The following CDK8 variants were observed in gnomAD, a reference collection of about 807,000 sequenced individuals.
The protein encoded by CDK8 is cyclin-dependent kinase 8.
A neutral mutation model predicts 71.5 loss-of-function variants in CDK8; 29 were observed. The observed-to-expected ratio is 0.41, with a 90% CI of 0.30 to 0.55. The LOEUF is 0.55. CDK8 is among the 20% of genes least tolerant of loss of function. The pLI is 0.37. For synonymous variants in CDK8, 161 were observed against 192.1 expected (o/e 0.84, Z 1.34); for missense variants, 288 against 572.6 (o/e 0.50, Z 5.07).
At chr13:26,268,752 T>C (rs543474) in intron 1 of CDK8, among the ~76,000 whole-genome samples, 37,614 of 152,142 alleles carry the variant, frequency 0.25, 5,357 homozygotes, top group East Asian at 0.44. Flanking sequence ...ATCAGATTTC[T>C]CTATTCCAAC....
At chr13:26,288,164 A>G (rs991473331) in intron 1 of CDK8, among the ~76,000 whole-genome samples, 3 of 152,106 alleles carry the variant, frequency 2.0e-5, no homozygotes, top group African/African-American at 7.2e-5. Flanking sequence ...GGGTTTCACC[A>G]TGCTGGCCAG....
At chr13:26,270,156 G>A (rs1406250360) in intron 1 of CDK8, among the ~76,000 whole-genome samples, 1 of 151,954 alleles carries the variant, frequency 6.6e-6, no homozygotes, top group East Asian at 1.9e-4. Context: ...TTGGGAGGCC[G>A]AGGCAGGTAG....
intron 1 of CDK8, among the ~76,000 whole-genome samples, chr13:26,314,675 G>A (rs919849117): frequency 1.3e-5 from 2 of 152,312 alleles, no homozygotes; most frequent in South Asian, 2.1e-4. Context: ...GTCCAGAGGC[G>A]TGTAATATGG....
chr13:26,279,392 A>C lies in CDK8; in HGVS notation c.128+24623A>C, dbSNP rs370400302. Among the ~76,000 whole-genome samples the C allele has an allele frequency of 2.0e-4, 31 of 152,304 alleles. No homozygotes were observed. In the East Asian group the frequency reaches 4.8e-3, roughly 24 times the overall value. Reference sequence around the variant, plus strand: ...AGAGTCTGGCAATCATCAGCTTAACAAAATGATCAATCTTAGCATCATGAA... The same window carrying C: ...AGAGTCTGGCAATCATCAGCTTAACCAAATGATCAATCTTAGCATCATGAA... On this transcript the variant is annotated intron_variant, in intron 1 of 12. Transcript: ENST00000381527.
chr13:26,254,796 C>G lies in CDK8; in HGVS notation c.128+27C>G. 1 of 1,606,382 alleles carries G rather than the reference C, an allele frequency of 6.2e-7. No homozygotes were observed. The highest frequency in any genetic ancestry group is 8.5e-7 in the Non-Finnish European group (1 of 1,175,624). On this transcript the variant is annotated intron_variant, in intron 1 of 12. Coordinates refer to ENST00000381527, the MANE Select transcript of CDK8 (RefSeq NM_001260.3). This position sits in a 1 kb window ranked among gnomAD's most constrained non-coding sequence, Gnocchi z 6.7. ...TGAGTGTGTGTGTCTGGGCCGGTGT[C>G]CGCGCTGGGCGGCGCTCCCGCAGGC...
At chr13:26,275,854 G>C (rs1329406072) in intron 1 of CDK8, among the ~76,000 whole-genome samples, 1 of 151,928 alleles carries the variant, frequency 6.6e-6, no homozygotes, top group Non-Finnish European at 1.5e-5. Context: ...AAACTTTGGT[G>C]TTATTGCATT....
chr13:26,294,527 A>G (rs1463761572), intron 1 of CDK8, among the ~76,000 whole-genome samples: 3 of 152,140 alleles, frequency 2.0e-5, no homozygotes, highest in Non-Finnish European at 4.4e-5. Flanking sequence ...GCTAATTTCT[A>G]TTCTCAGCAG....
intron 1 of CDK8, among the ~76,000 whole-genome samples, chr13:26,265,819 T>TG (rs1871994843): frequency 6.6e-6 from 1 of 152,196 alleles, no homozygotes. Flanking sequence ...ATTTTGTACT[T>TG]TCTTCCGAAG....
Position 26,254,842 on chromosome 13 carries a change from G to A in CDK8, c.128+73G>A, listed in dbSNP as rs919117448. Reference sequence around the variant, plus strand: ...CAGGCCGAGGCAGGTAGCCCGGAGGGAGAGCGGGCCGCCGGGGTGCCGGGC... The same window carrying A: ...CAGGCCGAGGCAGGTAGCCCGGAGGAAGAGCGGGCCGCCGGGGTGCCGGGC... On this transcript the variant is annotated intron_variant, in intron 1 of 12. Transcript: ENST00000381527. The surrounding 1 kb of genome is among the most constrained non-coding windows in gnomAD (Gnocchi z 6.7). 37 of 1,569,510 alleles carry A rather than the reference G, an allele frequency of 2.4e-5. No individual in the cohort carries two copies. Among genetic ancestry groups the A allele is most frequent in the African/African-American group, 2.7e-5 (2 of 73,556 alleles).
At position 26,404,229 on chromosome 13, in the gene CDK8, A is replaced by G; in HGVS notation, c.*148A>G. The G allele has an allele frequency of 1.2e-6, 1 of 864,516 alleles. No individual in the cohort carries two copies. The highest frequency in any genetic ancestry group is 1.7e-6 in the Non-Finnish European group (1 of 580,452). 53.6% of individuals were successfully genotyped at this position (864,516 alleles called of 1,614,324 possible). A position where few individuals can be genotyped will look rare whatever the true frequency, so the allele number is the denominator to read the frequency against. On this transcript the variant is annotated 3_prime_UTR_variant, in exon 13 of 13. Coordinates refer to ENST00000381527, the MANE Select transcript of CDK8 (RefSeq NM_001260.3). ...GTAGCCAAGTTCCACCACTTTTCACAGATTGGGGTAGTGGCTTCCAAGTTG... is the reference window on the plus strand; with the variant it reads ...GTAGCCAAGTTCCACCACTTTTCACGGATTGGGGTAGTGGCTTCCAAGTTG...
chr13:26,313,019 C>G (rs1476361184), intron 1 of CDK8, among the ~76,000 whole-genome samples: 3 of 152,154 alleles, frequency 2.0e-5, no homozygotes, highest in Non-Finnish European at 2.9e-5. Context: ...CTCATTTTCT[C>G]CTGAAATCAA....
At chr13:26,368,521 A>T (rs1874500753) in intron 4 of CDK8, among the ~76,000 whole-genome samples, 1 of 152,184 alleles carries the variant, frequency 6.6e-6, no homozygotes, top group African/African-American at 2.4e-5. Context: ...TTACTATCAC[A>T]CCACGGAGGC....
intron 2 of CDK8, among the ~76,000 whole-genome samples, chr13:26,344,344 A>G (rs990604846): frequency 2.6e-5 from 4 of 152,212 alleles, no homozygotes; most frequent in Admixed American, 2.6e-4. Context: ...TAGTGCTGCA[A>G]TGAACATACA....
At chr13:26,267,834 G>C (rs1872095047) in intron 1 of CDK8, among the ~76,000 whole-genome samples, 1 of 152,184 alleles carries the variant, frequency 6.6e-6, no homozygotes, top group Non-Finnish European at 1.5e-5. Flanking sequence ...GTTCTCCATG[G>C]AGACATTTGC....
At chr13:26,361,111 T>C (rs929210902) in intron 4 of CDK8, among the ~76,000 whole-genome samples, 1 of 152,224 alleles carries the variant, frequency 6.6e-6, no homozygotes, top group Non-Finnish European at 1.5e-5. Flanking sequence ...TTCTCAAATT[T>C]TTTCTTTAAT....
chr13:26,256,981 C>T (rs752048041), intron 1 of CDK8, among the ~76,000 whole-genome samples: 3 of 151,968 alleles, frequency 2.0e-5, no homozygotes, highest in African/African-American at 7.2e-5. Flanking sequence ...GGTAAAGTAT[C>T]GCATAGTATT....
chr13:26,326,117 A>G (rs1045387995), intron 1 of CDK8, among the ~76,000 whole-genome samples: 1 of 152,178 alleles, frequency 6.6e-6, no homozygotes, highest in Non-Finnish European at 1.5e-5. Flanking sequence ...TGTTGACAAA[A>G]ACTTTCCTAA....
chr13:26,395,733 A>G (rs904004116), intron 7 of CDK8, among the ~76,000 whole-genome samples: 1 of 152,152 alleles, frequency 6.6e-6, no homozygotes, highest in African/African-American at 2.4e-5. Context: ...ACTTATTAAT[A>G]TACTAATTAT....
chr13:26,288,546 A>AT lies in CDK8; in HGVS notation c.128+33788dup, dbSNP rs962281363. On this transcript the variant is annotated intron_variant, in intron 1 of 12. Coordinates refer to ENST00000381527, the MANE Select transcript of CDK8 (RefSeq NM_001260.3). ...AAATCACCCTAGTCATTTATTTCTT[A>AT]TTTTTTTTTTTAGAATTTGCTTATA... Among the ~76,000 whole-genome samples the AT allele has an allele frequency of 2.9e-3, 422 of 144,896 alleles. 2 individuals are homozygous for AT. Among genetic ancestry groups the AT allele is most frequent in the Admixed American group, 6.4e-3 (92 of 14,448 alleles).
Sources: gnomAD v4.1 joint callset for allele counts (sites outside exome capture counted in the v4.1 genomes callset) on GRCh38, gnomAD v4.1.1 for gene constraint, Gnocchi (gnomAD v3.1) non-coding constraint, MANE v1.5 for transcripts, NCBI Gene and HGNC (gene_info 2026-07-23, HGNC 2026-07-21) for gene names.